The following SYT1 variants were observed in gnomAD, a reference collection of about 807,000 sequenced individuals.
The protein encoded by SYT1 is synaptotagmin-1.
SYT1 carries 8 observed loss-of-function variants against 44.8 expected under a neutral mutation model. The ratio of observed to expected loss-of-function variants is 0.18; its 90% CI spans 0.10 to 0.32. The LOEUF is 0.32. Ranked by LOEUF, SYT1 falls within the 10% of genes least tolerant of loss-of-function variation. The pLI, the probability that SYT1 is intolerant of heterozygous loss-of-function variation, is 1.00. For synonymous variants in SYT1, 154 were observed against 188.8 expected (o/e 0.82, Z 1.51); for missense variants, 286 against 509.3 (o/e 0.56, Z 4.22).
intron 1 of SYT1, among the ~76,000 whole-genome samples, chr12:78,914,588 G>T (rs1876540385): frequency 6.6e-6 from 1 of 151,932 alleles, no homozygotes; most frequent in Admixed American, 6.6e-5. Context: ...TCGATAGAGA[G>T]ACAGATGTTT....
At chr12:79,135,884 G>C (rs1000965086) in intron 3 of SYT1, among the ~76,000 whole-genome samples, 1 of 152,174 alleles carries the variant, frequency 6.6e-6, no homozygotes, top group Admixed American at 6.5e-5. Flanking sequence ...CCTTGCAAGA[G>C]TAATTAAAAT....
intron 1 of SYT1, among the ~76,000 whole-genome samples, chr12:78,879,808 T>A (rs1213497430): frequency 6.6e-6 from 1 of 151,808 alleles, no homozygotes; most frequent in Non-Finnish European, 1.5e-5. Flanking sequence ...TATCATATTG[T>A]TCCTTTGTTC....
intron 2 of SYT1, among the ~76,000 whole-genome samples, chr12:79,009,460 C>A (rs1372096538): frequency 6.6e-6 from 1 of 152,094 alleles, no homozygotes; most frequent in Non-Finnish European, 1.5e-5. Flanking sequence ...TGAGCATTGG[C>A]AAATGCAAAT....
chr12:79,224,748 TTTTTTATTATTATTATTA>T (rs1461193062), intron 4 of SYT1, among the ~76,000 whole-genome samples: 58 of 20,826 alleles, frequency 2.8e-3, no homozygotes, highest in African/African-American at 4.9e-3. Context: ...TATTTATTTA[TTTTTTATTATTATTATTA>T]TTATTATTAT....
At chr12:79,157,270 C>G (rs1337074823) in intron 3 of SYT1, among the ~76,000 whole-genome samples, 1 of 152,186 alleles carries the variant, frequency 6.6e-6, no homozygotes, top group African/African-American at 2.4e-5. Context: ...ATCCTATAGG[C>G]ATGACTATCA....
intron 2 of SYT1, among the ~76,000 whole-genome samples, chr12:79,030,153 A>C (rs1359764922): frequency 6.6e-6 from 1 of 151,224 alleles, no homozygotes; most frequent in Non-Finnish European, 1.5e-5. Flanking sequence ...ACATTAAATG[A>C]AACATTACCT....
intron 8 of SYT1, among the ~76,000 whole-genome samples, chr12:79,308,532 T>G (rs867990087): frequency 0.036 from 2,123 of 59,166 alleles, 62 homozygotes; most frequent in African/African-American, 0.099. Flanking sequence ...AAAGAAGAAA[T>G]AAAGAAAGAA....
chr12:79,299,463 T>C lies in SYT1; in HGVS notation c.722T>C (p.Ile241Thr). Residue 241 changes from isoleucine to threonine, a missense_variant, in exon 8 of 11, where the codon ATT becomes ACT. Ile to Thr is a moderately conservative substitution (Grantham distance 89). Coordinates refer to ENST00000261205, the MANE Select transcript of SYT1 (RefSeq NM_005639.3). ...DFDRFSKHDIIGEFKVPMNTV... is the reference protein window; with the variant it reads ...DFDRFSKHDITGEFKVPMNTV... ...GATCGTTTCTCTAAGCATGACATCA[T>C]TGGAGAATTTAAAGTCCCTATGAAC... 6.2e-7 allele frequency: 1 copy of C among 1,613,604 alleles called. No homozygotes were observed.
At chr12:79,423,350 G>T (rs1869236598) in intron 9 of SYT1, among the ~76,000 whole-genome samples, 1 of 152,074 alleles carries the variant, frequency 6.6e-6, no homozygotes, top group Non-Finnish European at 1.5e-5. Flanking sequence ...GAGAGAAAGA[G>T]AAAGAGAGAG....
intron 4 of SYT1, among the ~76,000 whole-genome samples, chr12:79,236,168 A>G (rs1022724103): frequency 6.6e-6 from 1 of 152,200 alleles, no homozygotes; most frequent in Non-Finnish European, 1.5e-5. Flanking sequence ...TGGCCAGCCC[A>G]TTGTACATAA....
intron 4 of SYT1, among the ~76,000 whole-genome samples, chr12:79,250,034 CTTAA>C (rs927095734): frequency 1.3e-4 from 20 of 152,084 alleles, no homozygotes; most frequent in African/African-American, 3.1e-4. Flanking sequence ...CTTGAATCAT[CTTAA>C]TTAATCTTCA....
intron 4 of SYT1, among the ~76,000 whole-genome samples, chr12:79,273,048 C>A (rs915709352): frequency 2.6e-5 from 4 of 151,500 alleles, no homozygotes; most frequent in South Asian, 2.1e-4. Context: ...CCCAAGATAG[C>A]GGATTGGAGC....
At chr12:78,965,862 A>G (rs112609854) in intron 1 of SYT1, among the ~76,000 whole-genome samples, 1,557 of 152,182 alleles carry the variant, frequency 0.01, 32 homozygotes, top group African/African-American at 0.036. Flanking sequence ...GTGGATCACG[A>G]GGTCAGGAGT....
intron 2 of SYT1, among the ~76,000 whole-genome samples, chr12:79,026,667 T>TATA (rs1555190335): frequency 6.8e-5 from 7 of 102,258 alleles, no homozygotes; most frequent in South Asian, 3.4e-4. Context: ...CATATATATT[T>TATA]TATATATATA....
At chr12:79,312,198 G>A (rs1171671032) in intron 8 of SYT1, among the ~76,000 whole-genome samples, 2 of 151,616 alleles carry the variant, frequency 1.3e-5, no homozygotes, top group Admixed American at 6.6e-5. Flanking sequence ...AAAACATGAA[G>A]GAAATTAAAA....
intron 1 of SYT1, among the ~76,000 whole-genome samples, chr12:78,883,242 A>G (rs1421862412): frequency 6.6e-6 from 1 of 151,564 alleles, no homozygotes; most frequent in Non-Finnish European, 1.5e-5. Context: ...GATTGCAGGA[A>G]CCATTTCTAT....
chr12:79,168,223 C>A (rs759547432), intron 3 of SYT1, among the ~76,000 whole-genome samples: 4 of 151,986 alleles, frequency 2.6e-5, no homozygotes, highest in African/African-American at 2.4e-5. Context: ...CTGGTTAGAG[C>A]CTTATTTGAG....
chr12:79,356,858 A>G (rs1209334788), intron 9 of SYT1, among the ~76,000 whole-genome samples: 1 of 152,234 alleles, frequency 6.6e-6, no homozygotes, highest in Non-Finnish European at 1.5e-5. Flanking sequence ...ATACTATTGT[A>G]GTCATTTCTA....
chr12:78,928,281 C>T (rs1358199248), intron 1 of SYT1, among the ~76,000 whole-genome samples: 1 of 152,116 alleles, frequency 6.6e-6, no homozygotes, highest in East Asian at 1.9e-4. Context: ...GTCAATCTTC[C>T]TGTTCATCTT....
Sources: gnomAD v4.1 joint callset for allele counts (sites outside exome capture counted in the v4.1 genomes callset) on GRCh38, gnomAD v4.1.1 for gene constraint, MANE v1.5 for transcripts, NCBI Gene and HGNC (gene_info 2026-07-23, HGNC 2026-07-21) for gene names.